NUDT4: variants seen among roughly 807,000 people sequenced by gnomAD.
The protein encoded by NUDT4 is nudix hydrolase 4, also known as diphosphoinositol polyphosphate phosphohydrolase 2.
In NUDT4, 5 loss-of-function variants were observed where a neutral mutation model predicts 23.1. That is an observed-to-expected ratio of 0.22 (90% CI 0.11 to 0.46). The LOEUF is 0.46. Among genes scored for constraint, NUDT4 ranks in the 20% least tolerant of loss-of-function variants. The pLI, the probability that NUDT4 is intolerant of heterozygous loss-of-function variation, is 0.99. For missense variants in NUDT4, 96 were observed against 211.6 expected, an observed-to-expected ratio of 0.45 and a Z score of 3.39; for synonymous variants, 50 against 79.0, an observed-to-expected ratio of 0.63 and a Z score of 1.95.
intron 1 of NUDT4, among the ~76,000 whole-genome samples, chr12:93,394,223 C>T (rs1398048218): frequency 6.6e-6 from 1 of 152,144 alleles, no homozygotes; most frequent in African/African-American, 2.4e-5. Context: ...AGGATGATCT[C>T]GATCTCCTGA....
chr12:93,386,822 CTAGG>C (rs1392661702), intron 1 of NUDT4, among the ~76,000 whole-genome samples: 3 of 152,018 alleles, frequency 2.0e-5, no homozygotes, highest in Non-Finnish European at 4.4e-5. Flanking sequence ...AATCTTTTGT[CTAGG>C]TTGGAAAACT....
chr12:93,386,911 A>G (rs1876142086), intron 1 of NUDT4, among the ~76,000 whole-genome samples: 1 of 152,102 alleles, frequency 6.6e-6, no homozygotes, highest in African/African-American at 2.4e-5. Flanking sequence ...TCTGGAAAAC[A>G]ATACTGAATG....
intron 1 of NUDT4, among the ~76,000 whole-genome samples, chr12:93,386,531 G>A (rs2120891403): frequency 6.6e-6 from 1 of 151,738 alleles, no homozygotes; most frequent in South Asian, 2.1e-4. Flanking sequence ...AGTGAGCCGA[G>A]ATCACGCCAT....
chr12:93,378,396 G>A lies in NUDT4; in HGVS notation c.74G>A (p.Cys25Tyr). ...EGFKKRAACL[C>Y]FRSEQEDEVL... ...TTCAAGAAGCGGGCGGCGTGCCTGT[G>A]CTTCCGGAGCGAGCAGGAGGACGAG... Residue 25 changes from cysteine (C) to tyrosine (Y), a missense_variant, in exon 1 of 5, where the codon TGC (cysteine) becomes TAC (tyrosine). Transcript: ENST00000415493. The A allele has an allele frequency of 6.4e-7, 1 of 1,554,274 alleles. No homozygotes were observed. Among genetic ancestry groups the A allele is most frequent in the East Asian group, 2.4e-5 (1 of 41,972 alleles).
rs752372876 is a variant in NUDT4, at chr12:93,378,290, G to GAGC, written c.-15_-13dup. The GAGC allele has an allele frequency of 2.9e-4, 316 of 1,074,492 alleles. No homozygotes were observed. Among genetic ancestry groups the GAGC allele is most frequent in the African/African-American group, 2.0e-3 (121 of 59,588 alleles). The allele number at this position is 1,074,492 out of a possible 1,614,324, so 66.6% of individuals were successfully genotyped here. A position where few individuals can be genotyped will look rare whatever the true frequency, so the allele number is the denominator to read the frequency against. On this transcript the variant is annotated 5_prime_UTR_variant, in exon 1 of 5. Coordinates refer to ENST00000415493, the MANE Select transcript of NUDT4 (RefSeq NM_019094.6). ...GGCCGGGCCCCCACGGCGGCGGCCG[G>GAGC]AGCAGCAGCAGCAGCAGCAGGAGCC...
In NUDT4 at chr12:93,405,697, T is replaced by C. The variant is rs1877771764; in HGVS notation, c.*6318T>C. Reference sequence around the variant, plus strand: ...ATATATTACTAGTCCAGGTGGTAGATGACAGATTTTTATTATTTACACTTC... The same window carrying C: ...ATATATTACTAGTCCAGGTGGTAGACGACAGATTTTTATTATTTACACTTC... On this transcript the variant is annotated 3_prime_UTR_variant, in exon 5 of 5. Transcript: ENST00000415493. The C allele has an allele frequency of 6.6e-6, 1 of 152,200 alleles. No homozygotes were observed. 9.4% of individuals were successfully genotyped at this position (152,200 alleles called of 1,614,324 possible). A position where few individuals can be genotyped will look rare whatever the true frequency, so the allele number is the denominator to read the frequency against.
intron 1 of NUDT4, among the ~76,000 whole-genome samples, chr12:93,393,463 GACAA>G (rs1056720237): frequency 3.3e-5 from 5 of 152,070 alleles, no homozygotes; most frequent in Non-Finnish European, 7.4e-5. Flanking sequence ...TTAAGGGCCA[GACAA>G]ACATTTTAAG....
chr12:93,407,381 A>T lies in NUDT4; in HGVS notation c.*8002A>T, dbSNP rs1026523160. On this transcript the variant is annotated 3_prime_UTR_variant, in exon 5 of 5. Transcript: ENST00000415493. Reference sequence around the variant, plus strand: ...GCCCCATGCCATTCACTCACCACCTAATCATCCCCAACAACTAGTGGGCAA... The same window carrying T: ...GCCCCATGCCATTCACTCACCACCTTATCATCCCCAACAACTAGTGGGCAA... 1 of 152,170 alleles carries T rather than the reference A, an allele frequency of 6.6e-6. No homozygotes were observed. The highest frequency in any genetic ancestry group is 1.5e-5 in the Non-Finnish European group (1 of 68,048). 9.4% of individuals were successfully genotyped at this position (152,170 alleles called of 1,614,324 possible).
rs1036446981 is a variant in NUDT4, at chr12:93,403,283, G to A, written c.*3904G>A. 1.3e-5 allele frequency: 2 copies of A among 152,118 alleles called. No individual in the cohort carries two copies. Among genetic ancestry groups the A allele is most frequent in the Non-Finnish European group, 2.9e-5 (2 of 68,026 alleles). The allele number at this position is 152,118 out of a possible 1,614,324, so 9.4% of individuals were successfully genotyped here. A position where few individuals can be genotyped will look rare whatever the true frequency, so the allele number is the denominator to read the frequency against. On this transcript the variant is annotated 3_prime_UTR_variant, in exon 5 of 5. Transcript: ENST00000415493. ...CTCAAAGAGCTTATATTCTAGTGGG[G>A]TAGAGATAAGTGATTTATCTTGGTG... is the stretch of plus-strand genomic sequence containing the variant.
At position 93,404,204 on chromosome 12, in the gene NUDT4, T is replaced by C. The variant is rs1294457845; in HGVS notation, c.*4825T>C. ...ATGCCTATTGACGAAGTAAATATAC[T>C]AGGAATTCAACGTATCTACGGGAAT... is the stretch of plus-strand genomic sequence containing the variant. On this transcript the variant is annotated 3_prime_UTR_variant, in exon 5 of 5. Transcript: ENST00000415493. The C allele has an allele frequency of 2.6e-5, 4 of 152,202 alleles. No homozygotes were observed. Among genetic ancestry groups the C allele is most frequent in the Non-Finnish European group, 5.9e-5 (4 of 68,038 alleles). The allele number at this position is 152,202 out of a possible 1,614,324, so 9.4% of individuals were successfully genotyped here.
intron 1 of NUDT4, among the ~76,000 whole-genome samples, chr12:93,379,610 T>A (rs1042777485): frequency 6.6e-6 from 1 of 152,214 alleles, no homozygotes; most frequent in South Asian, 2.1e-4. Flanking sequence ...ACCAAGCCCT[T>A]TAAATGGGTT....
intron 1 of NUDT4, among the ~76,000 whole-genome samples, chr12:93,391,710 G>A (rs1454521735): frequency 6.6e-6 from 1 of 152,040 alleles, no homozygotes; most frequent in African/African-American, 2.4e-5. Flanking sequence ...GCACTCCAAC[G>A]TGGATGTCCA....
At chr12:93,386,929 A>AT (rs1023060266) in intron 1 of NUDT4, among the ~76,000 whole-genome samples, 61 of 151,448 alleles carry the variant, frequency 4.0e-4, no homozygotes, top group African/African-American at 1.1e-3. Flanking sequence ...ATGAACTCTG[A>AT]TTTTTTTTTA....
Position 93,405,059 on chromosome 12 carries a change from G to C in NUDT4, c.*5680G>C, listed in dbSNP as rs918953863. 1 of 152,094 alleles carries C rather than the reference G, an allele frequency of 6.6e-6. No individual in the cohort carries two copies. Among genetic ancestry groups the C allele is most frequent in the Non-Finnish European group, 1.5e-5 (1 of 68,026 alleles). The allele number at this position is 152,094 out of a possible 1,614,324, so 9.4% of individuals were successfully genotyped here. ...CTGTTTTAGGAGAAAAAAACAACAT[G>C]AATTGTAATAACTTGGACTTACTTG... On this transcript the variant is annotated 3_prime_UTR_variant, in exon 5 of 5. Coordinates refer to ENST00000415493, the MANE Select transcript of NUDT4 (RefSeq NM_019094.6).
At position 93,378,410 on chromosome 12, in the gene NUDT4, C is replaced by G. The variant is rs1382804921; in HGVS notation, c.88C>G (p.Gln30Glu). 1.3e-6 allele frequency: 2 copies of G among 1,553,580 alleles called. No homozygotes were observed. Among genetic ancestry groups the G allele is most frequent in the Non-Finnish European group, 1.7e-6 (2 of 1,149,336 alleles). Reference sequence around the variant, plus strand: ...GGCGTGCCTGTGCTTCCGGAGCGAGCAGGAGGACGAGGTAGGGCGCCCGGC... The same window carrying G: ...GGCGTGCCTGTGCTTCCGGAGCGAGGAGGAGGACGAGGTAGGGCGCCCGGC... ...RAACLCFRSE[Q>E]EDEVLLVSSS... is the part of the protein sequence containing the mutation. The change falls in exon 1 of 5, where the codon CAG becomes GAG. Residue 30 changes from glutamine to glutamate, a missense_variant. Coordinates refer to ENST00000415493, the MANE Select transcript of NUDT4 (RefSeq NM_019094.6).
At chr12:93,387,128 C>T (rs894133801) in intron 1 of NUDT4, among the ~76,000 whole-genome samples, 1 of 152,034 alleles carries the variant, frequency 6.6e-6, no homozygotes, top group Non-Finnish European at 1.5e-5. Flanking sequence ...GATGAGGTTT[C>T]ACCATGTTGG....
chr12:93,382,769 C>A (rs1213292706), intron 1 of NUDT4, among the ~76,000 whole-genome samples: 1 of 150,780 alleles, frequency 6.6e-6, no homozygotes, highest in Admixed American at 6.7e-5. Flanking sequence ...CTCCGCCTTC[C>A]AGGTTCACGC....
chr12:93,396,860 C>T (rs1412673544), intron 3 of NUDT4, among the ~76,000 whole-genome samples: 2 of 152,028 alleles, frequency 1.3e-5, no homozygotes, highest in East Asian at 1.9e-4. Flanking sequence ...CAGAGCGGCA[C>T]TCCATCTCAA....
chr12:93,392,239 T>G (rs1445202505), intron 1 of NUDT4, among the ~76,000 whole-genome samples: 2 of 138,300 alleles, frequency 1.4e-5, no homozygotes, highest in East Asian at 4.7e-4. Flanking sequence ...AATATTCCTT[T>G]GTTTCCCCCC....
Sources: gnomAD v4.1 joint callset for allele counts (sites outside exome capture counted in the v4.1 genomes callset) on GRCh38, gnomAD v4.1.1 for gene constraint, MANE v1.5 for transcripts, NCBI Gene and HGNC (gene_info 2026-07-23, HGNC 2026-07-21) for gene names.